MACROD2: variants seen among roughly 807,000 people sequenced by gnomAD.
MACROD2 encodes mono-ADP ribosylhydrolase 2.
In MACROD2, 36 loss-of-function variants were observed where a neutral mutation model predicts 70.4. That is an observed-to-expected ratio of 0.51 (90% CI 0.39 to 0.68). The LOEUF is 0.68. Ranked by LOEUF, MACROD2 falls within the 30% of genes least tolerant of loss-of-function variation. MACROD2 has a pLI of 0.00. For missense variants in MACROD2, 496 were observed against 538.4 expected, an observed-to-expected ratio of 0.92 and a Z score of 0.78; for synonymous variants, 172 against 178.8, an observed-to-expected ratio of 0.96 and a Z score of 0.30.
chr20:14,868,624 G>A (rs1372744336), intron 5 of MACROD2, among the ~76,000 whole-genome samples: 1 of 152,110 alleles, frequency 6.6e-6, no homozygotes, highest in Non-Finnish European at 1.5e-5. Flanking sequence ...TCATTAAGGT[G>A]TTTTCCCTTT....
At chr20:15,710,380 A>T (rs2050609162) in intron 8 of MACROD2, among the ~76,000 whole-genome samples, 2 of 152,192 alleles carry the variant, frequency 1.3e-5, no homozygotes, top group African/African-American at 2.4e-5. Context: ...CAGAATTAAA[A>T]TATAAACATA....
chr20:15,003,025 C>T (rs1322396906), intron 5 of MACROD2, among the ~76,000 whole-genome samples: 1 of 152,148 alleles, frequency 6.6e-6, no homozygotes, highest in African/African-American at 2.4e-5. Flanking sequence ...ATTGGTTTTG[C>T]TAACAGTAAT....
chr20:13,995,940 C>T lies in MACROD2; in HGVS notation c.46+131C>T, dbSNP rs934380483. 5.2e-5 allele frequency: 55 copies of T among 1,062,598 alleles called. No individual in the cohort carries two copies. The highest frequency in any genetic ancestry group is 1.3e-4 in the African/African-American group (8 of 63,234). 65.8% of individuals were successfully genotyped at this position (1,062,598 alleles called of 1,614,324 possible). A position where few individuals can be genotyped will look rare whatever the true frequency, so the allele number is the denominator to read the frequency against. On this transcript the variant is annotated intron_variant, in intron 1 of 17. Transcript: ENST00000684519. The surrounding 1 kb of genome is among the most constrained non-coding windows in gnomAD (Gnocchi z 4.3). Reference sequence around the variant, plus strand: ...CGCCCTCCCGGCCGGTGCCGCCTCCCTCCGGTGTCCGTGTGTACACACGCG... The same window carrying T: ...CGCCCTCCCGGCCGGTGCCGCCTCCTTCCGGTGTCCGTGTGTACACACGCG...
Position 15,728,331 on chromosome 20 carries a change from A to G in MACROD2, c.646-134414A>G, listed in dbSNP as rs939141316. Among the ~76,000 whole-genome samples, 3 of 152,228 alleles carry G rather than the reference A, an allele frequency of 2.0e-5. No individual in the cohort carries two copies. In the East Asian group the frequency reaches 5.8e-4, roughly 29 times the overall value. On this transcript the variant is annotated intron_variant, in intron 8 of 17. Transcript: ENST00000684519. ...TATTTTATTGAGAATTTTTGTACCTATGTTCATCAAGGACATTGATCTGAT... is the reference window on the plus strand; with the variant it reads ...TATTTTATTGAGAATTTTTGTACCTGTGTTCATCAAGGACATTGATCTGAT...
chr20:14,453,056 A>G (rs2084262106), intron 3 of MACROD2, among the ~76,000 whole-genome samples: 1 of 152,154 alleles, frequency 6.6e-6, no homozygotes, highest in Non-Finnish European at 1.5e-5. Flanking sequence ...ACTCTAAAGA[A>G]AGAGGTTTTG....
chr20:15,528,494 CT>C (rs2047751964), intron 8 of MACROD2, among the ~76,000 whole-genome samples: 1 of 152,170 alleles, frequency 6.6e-6, no homozygotes, highest in Admixed American at 6.5e-5. Context: ...AGAACAGTCT[CT>C]TACCACAAAG....
At chr20:15,401,317 C>T (rs147977543) in intron 6 of MACROD2, among the ~76,000 whole-genome samples, 1,758 of 152,258 alleles carry the variant, frequency 0.012, 45 homozygotes, top group African/African-American at 0.04. Flanking sequence ...GGATTACAGG[C>T]GTGAGCCACC....
At chr20:15,937,424 T>C (rs973055628) in intron 11 of MACROD2, 52 bp from the exon 12 acceptor site, 1 of 1,574,594 alleles carries the variant, frequency 6.4e-7, no homozygotes, top group Non-Finnish European at 8.7e-7. Context: ...AAGCCACAGC[T>C]GGACTTCCGG....
rs531864737 is a variant in MACROD2 at position 14,331,820 on chromosome 20, C to T, written c.272-161659C>T. ...TGAGCTGGATCTACATATTTGCGCA[C>T]CTAGAAATACTGTAGTCAAATGTCG... On this transcript the variant is annotated intron_variant, in intron 3 of 17. Coordinates refer to ENST00000684519, the MANE Select transcript of MACROD2 (RefSeq NM_001351661.2). 5.1e-4 allele frequency among the ~76,000 whole-genome samples: 78 copies of T among 152,130 alleles called. 1 individual carries two copies. Among genetic ancestry groups the T allele is most frequent in the Middle Eastern group, 3.4e-3 (1 of 292 alleles).
At chr20:15,357,178 T>G (rs530188292) in intron 6 of MACROD2, among the ~76,000 whole-genome samples, 2 of 152,338 alleles carry the variant, frequency 1.3e-5, no homozygotes, top group East Asian at 3.9e-4. Context: ...AGACTTTGAC[T>G]TCTGTAACAA....
intron 8 of MACROD2, among the ~76,000 whole-genome samples, chr20:15,762,507 A>G (rs1026357102): frequency 2.0e-5 from 3 of 152,208 alleles, no homozygotes; most frequent in Non-Finnish European, 4.4e-5. Context: ...AGCTCCTCCC[A>G]CTAAAGGAGC....
intron 8 of MACROD2, among the ~76,000 whole-genome samples, chr20:15,613,184 T>A (rs1280448451): frequency 6.6e-6 from 1 of 152,216 alleles, no homozygotes; most frequent in Non-Finnish European, 1.5e-5. Flanking sequence ...TGTTGAACTC[T>A]TCATGTTGAT....
At chr20:15,742,024 G>A (rs2051113130) in intron 8 of MACROD2, among the ~76,000 whole-genome samples, 1 of 152,128 alleles carries the variant, frequency 6.6e-6, no homozygotes, top group Admixed American at 6.5e-5. Flanking sequence ...GATTGTTATA[G>A]TAATGGTCTG....
chr20:14,941,400 C>G (rs1232317835), intron 5 of MACROD2, among the ~76,000 whole-genome samples: 1 of 152,050 alleles, frequency 6.6e-6, no homozygotes, highest in Non-Finnish European at 1.5e-5. Flanking sequence ...GAAACAGGGA[C>G]AGGTCTCCTG....
At chr20:14,495,402 A>G (rs2327854) in intron 4 of MACROD2, among the ~76,000 whole-genome samples, 23,458 of 152,154 alleles carry the variant, frequency 0.15, 2,030 homozygotes, top group East Asian at 0.38. Flanking sequence ...GCTCCCAAAC[A>G]TGAGTCAGTT....
intron 5 of MACROD2, among the ~76,000 whole-genome samples, chr20:15,135,340 G>T (rs1287958881): frequency 6.6e-6 from 1 of 151,874 alleles, no homozygotes; most frequent in Non-Finnish European, 1.5e-5. Context: ...AGCGAATCCA[G>T]CAGCACATGA....
At chr20:14,840,807 G>A (rs2073078939) in intron 5 of MACROD2, among the ~76,000 whole-genome samples, 1 of 151,970 alleles carries the variant, frequency 6.6e-6, no homozygotes, top group African/African-American at 2.4e-5. Flanking sequence ...TCATCACAGT[G>A]TTCTATAATA....
intron 5 of MACROD2, among the ~76,000 whole-genome samples, chr20:14,753,819 A>G (rs1181907399): frequency 1.3e-5 from 2 of 152,106 alleles, no homozygotes; most frequent in Non-Finnish European, 2.9e-5. Context: ...TAGAAGTCAC[A>G]TTCGTTAGTG....
At chr20:15,088,397 TTATATATATATATATA>T (rs71190173) in intron 5 of MACROD2, among the ~76,000 whole-genome samples, 4,014 of 110,584 alleles carry the variant, frequency 0.036, 118 homozygotes, top group African/African-American at 0.067. Flanking sequence ...ATACTATATT[TTATATATATATATATA>T]TATATATATA....
Sources: gnomAD v4.1 joint callset for allele counts (sites outside exome capture counted in the v4.1 genomes callset) on GRCh38, gnomAD v4.1.1 for gene constraint, Gnocchi (gnomAD v3.1) non-coding constraint, MANE v1.5 for transcripts, NCBI Gene and HGNC (gene_info 2026-07-23, HGNC 2026-07-21) for gene names.